Variants in MYO18B observed in about 807,000 individuals in gnomAD.
MYO18B encodes the protein unconventional myosin-XVIIIb.
In MYO18B, 204 loss-of-function variants were observed where a neutral mutation model predicts 273.0. The observed-to-expected ratio is 0.75, with a 90% CI of 0.67 to 0.84. MYO18B has a LOEUF of 0.84. Among genes scored for constraint, MYO18B ranks in the 40% least tolerant of loss-of-function variants. MYO18B has a pLI of 0.00. For missense variants in MYO18B, 3,212 were observed against 3,287.6 expected, an observed-to-expected ratio of 0.98 and a Z score of 0.56; for synonymous variants, 1,330 against 1,305.7, an observed-to-expected ratio of 1.02 and a Z score of -0.40.
intron 25 of MYO18B, among the ~76,000 whole-genome samples, chr22:25,889,802 C>T (rs2091608668): frequency 6.6e-6 from 1 of 152,102 alleles, no homozygotes. Context: ...AAAACCAGTG[C>T]AGGTGGGAAT....
At chr22:25,775,634 A>G (rs187777447) in intron 7 of MYO18B, among the ~76,000 whole-genome samples, 227 of 152,078 alleles carry the variant, frequency 1.5e-3, no homozygotes, top group African/African-American at 5.4e-3. Flanking sequence ...CTTCCTGGAA[A>G]CACACCCTTC....
At chr22:25,817,452 C>T (rs1242485356) in intron 12 of MYO18B, among the ~76,000 whole-genome samples, 2 of 147,240 alleles carry the variant, frequency 1.4e-5, no homozygotes, top group Non-Finnish European at 3.0e-5. Flanking sequence ...TCTCTTTCCC[C>T]TTCCCTTCCC....
chr22:25,992,552 C>T, intron 40 of MYO18B, 59 bp downstream of exon 40: 1 of 1,605,518 alleles, frequency 6.2e-7, no homozygotes, highest in Non-Finnish European at 8.5e-7. Context: ...TCCTGGGGAG[C>T]TCTATGCCCT....
chr22:25,819,765 G>A (rs1377223197), intron 12 of MYO18B, among the ~76,000 whole-genome samples: 1 of 152,012 alleles, frequency 6.6e-6, no homozygotes, highest in African/African-American at 2.4e-5. Context: ...ATATTTGAAG[G>A]ACTGATTTTG....
chr22:25,856,623 T>C (rs1304866296), intron 21 of MYO18B, among the ~76,000 whole-genome samples: 11 of 152,202 alleles, frequency 7.2e-5, no homozygotes, highest in Admixed American at 5.2e-4. Flanking sequence ...TGAAACACTC[T>C]GGAGGAACTG....
intron 34 of MYO18B, among the ~76,000 whole-genome samples, chr22:25,921,829 TGTGTGTGTGTGTG>T (rs2092351034): frequency 3.7e-5 from 3 of 81,746 alleles, no homozygotes; most frequent in African/African-American, 7.3e-5. Context: ...TGTGTGTGTG[TGTGTGTGTGTGTG>T]TGTGTGTGTG....
At chr22:25,861,514 C>G (rs926315191) in intron 21 of MYO18B, among the ~76,000 whole-genome samples, 8 of 152,200 alleles carry the variant, frequency 5.3e-5, no homozygotes, top group African/African-American at 1.9e-4. Context: ...GATCTTATTT[C>G]ATTTTCCCCC....
At position 25,995,063 on chromosome 22, in the gene MYO18B, A is replaced by T. The variant is rs1344661807; in HGVS notation, c.6287+2570A>T. Among the ~76,000 whole-genome samples, 4 of 152,198 alleles carry T rather than the reference A, an allele frequency of 2.6e-5. No individual in the cohort carries two copies. In the East Asian group the frequency reaches 5.8e-4, roughly 22 times the overall value. On this transcript the variant is annotated intron_variant, in intron 40 of 43. Coordinates refer to ENST00000335473, the MANE Select transcript of MYO18B (RefSeq NM_032608.7). ...GTGTCCATCAACAGATGAATGAATA[A>T]AGAAAATGTGATGCGTATACACGAT...
chr22:25,781,339 G>A (rs2087140151), intron 9 of MYO18B, among the ~76,000 whole-genome samples: 2 of 152,176 alleles, frequency 1.3e-5, no homozygotes. Context: ...GCTGGGCGTG[G>A]TGGCTCACGC....
chr22:25,978,827 G>T (rs979428813), intron 39 of MYO18B, among the ~76,000 whole-genome samples: 1 of 152,150 alleles, frequency 6.6e-6, no homozygotes, highest in African/African-American at 2.4e-5. Flanking sequence ...GGTGGTGGGC[G>T]CCTATTGTCC....
chr22:25,891,995 C>A (rs895033575), intron 27 of MYO18B, among the ~76,000 whole-genome samples: 1 of 152,136 alleles, frequency 6.6e-6, no homozygotes, highest in East Asian at 1.9e-4. Context: ...CAGAGCAAGA[C>A]CCTGTCTCAA....
At chr22:26,054,361 G>A in the MYO18B span, among the ~76,000 whole-genome samples, 1 of 152,134 alleles carries the variant, frequency 6.6e-6, no homozygotes, top group Non-Finnish European at 1.5e-5. Context: ...TGCCCGCTCA[G>A]TTTCCCTGCC....
chr22:25,886,168 G>A (rs1056155950), intron 25 of MYO18B, among the ~76,000 whole-genome samples: 9 of 152,198 alleles, frequency 5.9e-5, no homozygotes, highest in Non-Finnish European at 1.2e-4. Context: ...CATTCTGTGG[G>A]CAAACCTGTG....
intron 1 of MYO18B, among the ~76,000 whole-genome samples, chr22:25,747,759 T>G (rs2085824813): frequency 6.6e-6 from 1 of 152,112 alleles, no homozygotes; most frequent in Admixed American, 6.5e-5. Flanking sequence ...TGAATCTGAG[T>G]CAACCGGGGA....
chr22:25,876,050 G>A (rs2091186356), intron 23 of MYO18B, 139 bp from the exon 24 acceptor site: 1 of 607,272 alleles, frequency 1.6e-6, no homozygotes, highest in Non-Finnish European at 2.8e-6. Flanking sequence ...GTGTGTATGT[G>A]TTTTAAGGTA....
At chr22:26,005,364 C>T (rs887007056) in intron 42 of MYO18B, among the ~76,000 whole-genome samples, 2 of 152,176 alleles carry the variant, frequency 1.3e-5, no homozygotes, top group South Asian at 2.1e-4. Context: ...TAGCTTTATT[C>T]AAATTTTAGC....
chr22:25,779,933 G>A (rs904421256), intron 8 of MYO18B, 123 bp from the exon 9 acceptor site: 20 of 1,276,168 alleles, frequency 1.6e-5, no homozygotes, highest in South Asian at 3.1e-5. Context: ...GAAGCCCACC[G>A]GGGGCTGAGG....
Position 25,891,327 on chromosome 22 carries a change from A to G in MYO18B, c.4458A>G (p.Lys1486=). 6.3e-7 allele frequency: 1 copy of G among 1,577,410 alleles called. No homozygotes were observed. The highest frequency in any genetic ancestry group is 8.6e-7 in the Non-Finnish European group (1 of 1,161,160). The change falls in exon 27 of 44, where the codon AAA becomes AAG. Residue 1486 remains lysine, a synonymous_variant. Coordinates refer to ENST00000335473, the MANE Select transcript of MYO18B (RefSeq NM_032608.7). ...AGAGCAAGCATGAACAAGTCCAGAAAAAACTGGGAGATGTGAATAAACAGT... is the reference window on the plus strand; with the variant it reads ...AGAGCAAGCATGAACAAGTCCAGAAGAAACTGGGAGATGTGAATAAACAGT... ...ELKSKHEQVQ[K]KLGDVNKQLE... is the part of the protein sequence containing the mutation.
At chr22:26,057,308 G>C in the MYO18B span, among the ~76,000 whole-genome samples, 1 of 152,100 alleles carries the variant, frequency 6.6e-6, no homozygotes, top group Admixed American at 6.6e-5. Context: ...TAAGTGGCCT[G>C]TCTCATCTAA....
Sources: gnomAD v4.1 joint callset for allele counts (sites outside exome capture counted in the v4.1 genomes callset) on GRCh38, gnomAD v4.1.1 for gene constraint, MANE v1.5 for transcripts, NCBI Gene and HGNC (gene_info 2026-07-23, HGNC 2026-07-21) for gene names.